Variants in UBE2V2 observed in about 807,000 individuals in gnomAD.
UBE2V2 encodes the protein ubiquitin-conjugating enzyme E2 variant 2.
Under a neutral mutation model 17.2 loss-of-function variants are expected in UBE2V2, and 9 were observed. The ratio of observed to expected loss-of-function variants is 0.52; its 90% CI spans 0.32 to 0.91. UBE2V2 has a LOEUF of 0.91. UBE2V2 is among the 40% of genes least tolerant of loss of function. UBE2V2 has a pLI of 0.04. For missense variants in UBE2V2, 133 were observed against 182.6 expected (o/e 0.73, Z 1.56); for synonymous variants, 61 against 57.5 (o/e 1.06, Z -0.28).
chr8:48,017,678 CTCTT>C (rs1166908479), intron 1 of UBE2V2, among the ~76,000 whole-genome samples: 6 of 151,714 alleles, frequency 4.0e-5, no homozygotes, highest in Admixed American at 1.3e-4. Flanking sequence ...TGCCAGTTCT[CTCTT>C]TATTGTTTCC....
intron 1 of UBE2V2, among the ~76,000 whole-genome samples, chr8:48,038,724 G>A (rs1229311783): frequency 6.0e-5 from 9 of 150,964 alleles, no homozygotes; most frequent in Admixed American, 2.6e-4. Flanking sequence ...CAAATGATCC[G>A]CCTGCCTCAG....
intron 1 of UBE2V2, among the ~76,000 whole-genome samples, chr8:48,035,632 TGTGTGTGTG>T (rs1481528635): frequency 3.4e-5 from 3 of 89,050 alleles, no homozygotes; most frequent in African/African-American, 1.3e-4. Context: ...TTTTTTTTTT[TGTGTGTGTG>T]TGTGTGTGTG....
At chr8:48,037,640 G>A (rs2091433695) in intron 1 of UBE2V2, among the ~76,000 whole-genome samples, 1 of 152,152 alleles carries the variant, frequency 6.6e-6, no homozygotes, top group Non-Finnish European at 1.5e-5. Flanking sequence ...TGAACTTTAA[G>A]CTCCACAAGA....
intron 1 of UBE2V2, among the ~76,000 whole-genome samples, chr8:48,009,277 T>G (rs2091211002): frequency 6.6e-6 from 1 of 151,184 alleles, no homozygotes. Context: ...CTTTTTTTTT[T>G]TTTTTTTGAG....
upstream of UBE2V2, among the ~76,000 whole-genome samples, chr8:48,003,840 G>A (rs75409329): frequency 6.8e-4 from 103 of 152,260 alleles, 2 homozygotes; most frequent in East Asian, 0.018. Context: ...GAGAGATGTG[G>A]TATCTCAGGT....
chr8:48,049,381 T>A (rs1410873584), intron 2 of UBE2V2, among the ~76,000 whole-genome samples: 1 of 152,220 alleles, frequency 6.6e-6, no homozygotes, highest in Non-Finnish European at 1.5e-5. Flanking sequence ...GAGGCACTGT[T>A]AATAGTCAAT....
chr8:48,059,327 A>G (rs997401913), intron 3 of UBE2V2, among the ~76,000 whole-genome samples: 2 of 151,540 alleles, frequency 1.3e-5, no homozygotes, highest in African/African-American at 2.4e-5. Flanking sequence ...AGCCCTACAC[A>G]TGTGTGTGGT....
the UBE2V2 span, among the ~76,000 whole-genome samples, chr8:48,002,316 G>A: frequency 6.6e-6 from 1 of 152,166 alleles, no homozygotes; most frequent in Admixed American, 6.5e-5. Context: ...TAAAGATAAT[G>A]TGGCATATAT....
At chr8:48,017,843 T>G (rs1045471103) in intron 1 of UBE2V2, among the ~76,000 whole-genome samples, 1 of 149,860 alleles carries the variant, frequency 6.7e-6, no homozygotes, top group African/African-American at 2.5e-5. Context: ...TTTCATAGAT[T>G]GCCTTTTTTT....
intron 1 of UBE2V2, among the ~76,000 whole-genome samples, chr8:48,026,660 T>A (rs1389988336): frequency 6.6e-6 from 1 of 151,498 alleles, no homozygotes; most frequent in Non-Finnish European, 1.5e-5. Context: ...ATGTGTAGAT[T>A]TATATATTAT....
chr8:48,043,375 G>A (rs1173075771), intron 2 of UBE2V2, 194 bp downstream of exon 2: 2 of 413,176 alleles, frequency 4.8e-6, no homozygotes, highest in African/African-American at 4.1e-5. Flanking sequence ...GGGGAGGAAG[G>A]TTGATATGGT....
intron 3 of UBE2V2, among the ~76,000 whole-genome samples, chr8:48,059,555 C>T (rs932951196): frequency 3.3e-5 from 5 of 151,932 alleles, no homozygotes; most frequent in African/African-American, 7.3e-5. Context: ...AGTACAGGCA[C>T]GTGCCACCAC....
the UBE2V2 span, among the ~76,000 whole-genome samples, chr8:48,002,071 G>C: frequency 3.3e-5 from 5 of 151,604 alleles, no homozygotes. Flanking sequence ...CCTGGGAAAC[G>C]AGTGAAACTC....
rs1335362551 is a variant in UBE2V2 at position 48,008,479 on chromosome 8, C to T, written c.16+9C>T. The T allele has an allele frequency of 1.3e-6, 2 of 1,567,100 alleles. No individual in the cohort carries two copies. On this transcript the variant is annotated intron_variant, in intron 1 of 3. Transcript: ENST00000523111. The stretch of plus-strand genomic sequence containing the variant: ...GATGGCGGTCTCCACAGGTCGGTTC[C>T]CGGGCCGGGCTGCGTGATTTTCCGC...
intron 1 of UBE2V2, among the ~76,000 whole-genome samples, chr8:48,026,213 AT>A (rs1242852086): frequency 6.6e-6 from 1 of 151,908 alleles, no homozygotes; most frequent in African/African-American, 2.4e-5. Context: ...GACTGGGAAG[AT>A]TGGACAACAG....
At chr8:48,018,845 A>G (rs1253536848) in intron 1 of UBE2V2, among the ~76,000 whole-genome samples, 2 of 152,194 alleles carry the variant, frequency 1.3e-5, no homozygotes, top group African/African-American at 4.8e-5. Context: ...GGGTGCATAT[A>G]TATTTACAAT....
chr8:48,056,282 T>TTGGC (rs1229891450), intron 3 of UBE2V2, among the ~76,000 whole-genome samples: 2 of 152,238 alleles, frequency 1.3e-5, no homozygotes, highest in African/African-American at 4.8e-5. Context: ...TTTTCTACTT[T>TTGGC]TGGCTATCAT....
intron 3 of UBE2V2, 99 bp from the exon 4 acceptor site, chr8:48,060,583 A>T (rs1802578155): frequency 8.6e-7 from 1 of 1,161,936 alleles, no homozygotes; most frequent in African/African-American, 1.6e-5. Context: ...GAGGCAAGCT[A>T]TGAATTTTCA....
upstream of UBE2V2, among the ~76,000 whole-genome samples, chr8:48,003,607 G>A (rs2091166022): frequency 6.6e-6 from 1 of 152,132 alleles, no homozygotes; most frequent in Admixed American, 6.6e-5. Flanking sequence ...TGGCTATTGA[G>A]GCCCCACAAC....
Sources: gnomAD v4.1 joint callset for allele counts (sites outside exome capture counted in the v4.1 genomes callset) on GRCh38, gnomAD v4.1.1 for gene constraint, MANE v1.5 for transcripts, NCBI Gene and HGNC (gene_info 2026-07-23, HGNC 2026-07-21) for gene names.